OXR1: variants seen among roughly 807,000 people sequenced by gnomAD.
OXR1 encodes the protein oxidation resistance 1.
In OXR1, 41 loss-of-function variants were observed where a neutral mutation model predicts 104.6. The ratio of observed to expected loss-of-function variants is 0.39; its 90% CI spans 0.31 to 0.51. The LOEUF (loss-of-function observed/expected upper bound fraction) is 0.51, where lower values mean the gene tolerates loss of function less well. Ranked by LOEUF, OXR1 falls within the 20% of genes least tolerant of loss-of-function variation. OXR1 has a pLI of 0.77. For missense variants in OXR1, 955 were observed against 1,031.9 expected (o/e 0.93, Z 1.02); for synonymous variants, 348 against 348.4 (o/e 1.00, Z 0.01).
At chr8:106,442,917 C>G (rs918998493) in intron 2 of OXR1, among the ~76,000 whole-genome samples, 1 of 151,890 alleles carries the variant, frequency 6.6e-6, no homozygotes, top group African/African-American at 2.4e-5. Context: ...TTCTTCTTTT[C>G]TGATCTTAGT....
At chr8:106,606,130 G>C (rs1379305065) in intron 3 of OXR1, among the ~76,000 whole-genome samples, 3 of 152,052 alleles carry the variant, frequency 2.0e-5, no homozygotes, top group Non-Finnish European at 4.4e-5. Context: ...GGTGTCAGTA[G>C]GTCTGTGCTC....
intron 3 of OXR1, among the ~76,000 whole-genome samples, chr8:106,596,930 G>C (rs1819573893): frequency 6.6e-6 from 1 of 152,082 alleles, no homozygotes; most frequent in South Asian, 2.1e-4. Flanking sequence ...GTGTGCACCT[G>C]TAGTCCTAGA....
At chr8:106,740,125 G>T in intron 13 of OXR1, 1 of 442,604 alleles carries the variant, frequency 2.3e-6, no homozygotes, top group Non-Finnish European at 4.0e-6. Flanking sequence ...TCTGGTTCAG[G>T]GTGATTCTTT....
At chr8:106,292,488 A>G (rs141958402) in intron 1 of OXR1, among the ~76,000 whole-genome samples, 1 of 152,190 alleles carries the variant, frequency 6.6e-6, no homozygotes, top group South Asian at 2.1e-4. Context: ...CATTAAATTT[A>G]TGGATGGAAA....
chr8:106,670,768 A>C (rs1447773279), intron 3 of OXR1, among the ~76,000 whole-genome samples: 2 of 152,150 alleles, frequency 1.3e-5, no homozygotes, highest in Non-Finnish European at 2.9e-5. Flanking sequence ...TACAGTGAGA[A>C]GTTCTAATAT....
intron 1 of OXR1, among the ~76,000 whole-genome samples, chr8:106,286,879 TA>T (rs1471833623): frequency 7.2e-5 from 11 of 152,162 alleles, no homozygotes; most frequent in African/African-American, 2.7e-4. Flanking sequence ...GTAAAAATAA[TA>T]AAAGACAAAT....
chr8:106,546,174 C>T (rs1478467049), intron 3 of OXR1, among the ~76,000 whole-genome samples: 1 of 152,142 alleles, frequency 6.6e-6, no homozygotes, highest in Admixed American at 6.5e-5. Context: ...AGGACATTCA[C>T]CCCAAGGCGT....
chr8:106,664,462 G>A (rs1410631158), intron 3 of OXR1, among the ~76,000 whole-genome samples: 1 of 152,148 alleles, frequency 6.6e-6, no homozygotes, highest in African/African-American at 2.4e-5. Flanking sequence ...AAGGTTAGAA[G>A]TAAATATAGA....
chr8:106,435,155 A>T (rs1044024296), intron 2 of OXR1, among the ~76,000 whole-genome samples: 1 of 152,162 alleles, frequency 6.6e-6, no homozygotes, highest in Admixed American at 6.5e-5. Flanking sequence ...AGTGCTGATT[A>T]TGGGAACATG....
chr8:106,681,549 G>A (rs1828152822), intron 4 of OXR1, among the ~76,000 whole-genome samples: 1 of 152,022 alleles, frequency 6.6e-6, no homozygotes, highest in South Asian at 2.1e-4. Flanking sequence ...TCTGGAGACA[G>A]GGTCTTGCTT....
chr8:106,726,199 AGT>A, intron 11 of OXR1: 2 of 1,502,900 alleles, frequency 1.3e-6, no homozygotes, highest in Non-Finnish European at 1.8e-6. Context: ...TTTTGAAAAC[AGT>A]TCTTACGTGA....
intron 3 of OXR1, among the ~76,000 whole-genome samples, chr8:106,672,165 C>T (rs963770769): frequency 7.9e-5 from 12 of 151,570 alleles, no homozygotes; most frequent in Non-Finnish European, 1.6e-4. Context: ...TCTAAAAGAA[C>T]AGGTAGACAG....
At chr8:106,305,961 T>G (rs1358534678) in intron 1 of OXR1, among the ~76,000 whole-genome samples, 2 of 152,122 alleles carry the variant, frequency 1.3e-5, no homozygotes, top group Non-Finnish European at 2.9e-5. Flanking sequence ...CCCAATTGAC[T>G]TAGATTTTTA....
chr8:106,480,735 A>T (rs1261585317), intron 2 of OXR1, among the ~76,000 whole-genome samples: 1 of 151,976 alleles, frequency 6.6e-6, no homozygotes, highest in African/African-American at 2.4e-5. Context: ...ATGTAAATTT[A>T]TACAGTCACA....
At chr8:106,326,387 A>G (rs1814469089) in intron 1 of OXR1, among the ~76,000 whole-genome samples, 1 of 152,244 alleles carries the variant, frequency 6.6e-6, no homozygotes, top group Non-Finnish European at 1.5e-5. Flanking sequence ...AGACAAGAAA[A>G]AGGTAAGTAA....
chr8:106,706,864 A>T lies in OXR1; in HGVS notation c.1343A>T (p.Asp448Val). 1.9e-6 allele frequency: 3 copies of T among 1,611,794 alleles called. No individual in the cohort carries two copies. The highest frequency in any genetic ancestry group is 2.5e-6 in the Non-Finnish European group (3 of 1,179,568). ...EDSTSIKGNS[D>V]QDSFLHENSL... is the part of the protein sequence containing the mutation. ...AGCACAAGTATAAAAGGTAATTCAG[A>T]CCAGGATTCTTTTCTTCATGAGAAT... Residue 448 changes from aspartate to valine, a missense_variant, in exon 9 of 17, where the codon GAC (aspartate) becomes GTC (valine). Physicochemically the swap from Asp to Val is radical, Grantham distance 152. Transcript: ENST00000517566.
At chr8:106,707,240 C>A in intron 9 of OXR1, 95 bp downstream of exon 9, 1 of 1,051,668 alleles carries the variant, frequency 9.5e-7, no homozygotes, top group Non-Finnish European at 1.5e-6. Context: ...CTTAGGGCAA[C>A]CTGAAGGATA....
chr8:106,669,285 A>G (rs368516189), intron 3 of OXR1, among the ~76,000 whole-genome samples: 6 of 152,178 alleles, frequency 3.9e-5, no homozygotes, highest in African/African-American at 1.2e-4. Flanking sequence ...AAGAGAAGAT[A>G]TTACAATACA....
chr8:106,397,694 C>T (rs1817836165), intron 2 of OXR1, among the ~76,000 whole-genome samples: 1 of 151,642 alleles, frequency 6.6e-6, no homozygotes, highest in South Asian at 2.1e-4. Flanking sequence ...TTTTTTTTCC[C>T]CATAAATCAA....
Sources: allele counts gnomAD v4.1 joint callset (sites outside exome capture counted in the v4.1 genomes callset), GRCh38; gene constraint gnomAD v4.1.1; transcripts MANE v1.5; gene names NCBI Gene and HGNC (gene_info 2026-07-23, HGNC 2026-07-21).